The following MAD1L1 variants were observed in gnomAD, a reference collection of about 807,000 sequenced individuals.
MAD1L1 encodes mitotic spindle assembly checkpoint protein MAD1.
Under a neutral mutation model 96.9 loss-of-function variants are expected in MAD1L1, and 95 were observed. That is an observed-to-expected ratio of 0.98 (90% CI 0.83 to 1.16). MAD1L1 has a LOEUF of 1.16. MAD1L1 is among the 50% of genes most tolerant of loss of function. The pLI is 0.00. For missense variants in MAD1L1, 1,007 were observed against 954.4 expected (o/e 1.06, Z -0.73); for synonymous variants, 473 against 396.6 (o/e 1.19, Z -2.29).
rs1310028523 is a variant in MAD1L1, at chr7:1,816,001, C to T, written c.*69G>A. 12 of 1,499,592 alleles carry T rather than the reference C, an allele frequency of 8.0e-6. No individual in the cohort carries two copies. In the African/African-American group the frequency reaches 1.5e-4, roughly 19 times the overall value. 92.9% of individuals were successfully genotyped at this position (1,499,592 alleles called of 1,614,324 possible). On this transcript the variant is annotated 3_prime_UTR_variant, in exon 19 of 19. Transcript: ENST00000265854. Reference sequence around the variant, plus strand: ...GGCAGGACGTGCACCCAGCCTGTGGCTGGCGGGGCAGGGGACCTGCAGGTC... The same window carrying T: ...GGCAGGACGTGCACCCAGCCTGTGGTTGGCGGGGCAGGGGACCTGCAGGTC...
intron 18 of MAD1L1, among the ~76,000 whole-genome samples, chr7:1,897,252 C>A (rs1786936496): frequency 6.6e-6 from 1 of 152,154 alleles, no homozygotes; most frequent in African/African-American, 2.4e-5. Context: ...TTATACAAAT[C>A]AAAGTTGGTT....
intron 12 of MAD1L1, among the ~76,000 whole-genome samples, chr7:2,018,570 G>T (rs1252354680): frequency 6.6e-6 from 1 of 152,222 alleles, no homozygotes; most frequent in Non-Finnish European, 1.5e-5. Flanking sequence ...GACACAGAGG[G>T]CTTCCCTCCT....
intron 18 of MAD1L1, among the ~76,000 whole-genome samples, chr7:1,884,460 C>T (rs961649202): frequency 4.6e-5 from 7 of 152,238 alleles, no homozygotes; most frequent in African/African-American, 9.6e-5. Context: ...TGAGGAGCAA[C>T]GTTGGGTCAG....
At chr7:2,036,411 G>A (rs374754470) in intron 12 of MAD1L1, among the ~76,000 whole-genome samples, 4 of 152,328 alleles carry the variant, frequency 2.6e-5, no homozygotes, top group South Asian at 2.1e-4. Flanking sequence ...CGCCACCTCC[G>A]TGCGGGGAAC....
At chr7:2,040,994 G>A (rs1287648537) in intron 12 of MAD1L1, among the ~76,000 whole-genome samples, 2 of 152,112 alleles carry the variant, frequency 1.3e-5, no homozygotes, top group African/African-American at 4.8e-5. Flanking sequence ...TCTCACTGTT[G>A]GCTGCTGAGA....
intron 11 of MAD1L1, among the ~76,000 whole-genome samples, chr7:2,096,665 G>A (rs1314748409): frequency 7.9e-5 from 12 of 152,276 alleles, no homozygotes; most frequent in Admixed American, 5.2e-4. Flanking sequence ...CAGGAGGAAC[G>A]AGGCCAGACT....
intron 18 of MAD1L1, among the ~76,000 whole-genome samples, chr7:1,891,103 C>T (rs893036619): frequency 3.3e-5 from 5 of 152,236 alleles, no homozygotes; most frequent in East Asian, 1.9e-4. Flanking sequence ...TGCACAGAAG[C>T]GACACCCCGG....
chr7:1,894,121 G>C (rs1657026634), intron 18 of MAD1L1, among the ~76,000 whole-genome samples: 2 of 152,318 alleles, frequency 1.3e-5, no homozygotes, highest in South Asian at 4.1e-4. Context: ...TGGTGTCCTG[G>C]ATACAAAGGA....
chr7:1,866,482 C>G (rs886338105), intron 18 of MAD1L1, among the ~76,000 whole-genome samples: 1 of 152,178 alleles, frequency 6.6e-6, no homozygotes, highest in African/African-American at 2.4e-5. Flanking sequence ...CGAGCTCCAC[C>G]CTCCAGACGG....
Position 1,823,581 on chromosome 7 carries a change from G to A in MAD1L1, c.1999-7353C>T, listed in dbSNP as rs577211919. Among the ~76,000 whole-genome samples the A allele has an allele frequency of 2.3e-3, 353 of 152,298 alleles. 3 individuals carry two copies. Among genetic ancestry groups the A allele is most frequent in the South Asian group, 7.7e-3 (37 of 4,824 alleles). On this transcript the variant is annotated intron_variant, in intron 18 of 18. Coordinates refer to ENST00000265854, the MANE Select transcript of MAD1L1 (RefSeq NM_001013836.2). Reference sequence around the variant, plus strand: ...TTAACCCCAAGTGGGATTCCTGCCTGTGCCCTGGCCCCACAGGGCAAGGCC... The same window carrying A: ...TTAACCCCAAGTGGGATTCCTGCCTATGCCCTGGCCCCACAGGGCAAGGCC...
intron 11 of MAD1L1, among the ~76,000 whole-genome samples, chr7:2,143,308 A>G (rs1311262823): frequency 2.7e-5 from 4 of 150,674 alleles, no homozygotes; most frequent in Admixed American, 1.3e-4. Context: ...CAAGAGGGGA[A>G]CAGCCCAGCC....
At chr7:2,023,317 T>C (rs1782865260) in intron 12 of MAD1L1, among the ~76,000 whole-genome samples, 1 of 151,988 alleles carries the variant, frequency 6.6e-6, no homozygotes, top group Non-Finnish European at 1.5e-5. Context: ...AAAAAGAATA[T>C]AAAGTATATA....
At chr7:2,171,377 C>T (rs186429507) in intron 10 of MAD1L1, among the ~76,000 whole-genome samples, 3 of 152,248 alleles carry the variant, frequency 2.0e-5, no homozygotes, top group East Asian at 1.9e-4. Flanking sequence ...CATGCACACA[C>T]GTGCACACAT....
At chr7:2,077,018 C>T (rs1245996527) in intron 11 of MAD1L1, among the ~76,000 whole-genome samples, 2 of 147,788 alleles carry the variant, frequency 1.4e-5, no homozygotes, top group Non-Finnish European at 3.0e-5. Flanking sequence ...GCTCACGGCA[C>T]GGTGAGCCCG....
intron 10 of MAD1L1, among the ~76,000 whole-genome samples, chr7:2,164,803 C>T (rs761216843): frequency 6.6e-6 from 1 of 152,172 alleles, no homozygotes; most frequent in Non-Finnish European, 1.5e-5. Flanking sequence ...GACAAACAGA[C>T]AGAGTCCTTG....
At chr7:2,210,879 GC>G (rs72171176) in intron 10 of MAD1L1, among the ~76,000 whole-genome samples, 21,010 of 152,242 alleles carry the variant, frequency 0.14, 3,452 homozygotes, top group African/African-American at 0.4. Flanking sequence ...GCTCGCACCA[GC>G]CCCTCTCCAA....
intron 10 of MAD1L1, among the ~76,000 whole-genome samples, chr7:2,163,466 C>G (rs569756008): frequency 6.6e-6 from 1 of 152,248 alleles, no homozygotes; most frequent in East Asian, 1.9e-4. Context: ...CTCTGCCCCC[C>G]CGGTTCAAGC....
At chr7:1,915,369 G>T (rs1318650643) in intron 17 of MAD1L1, among the ~76,000 whole-genome samples, 1 of 152,220 alleles carries the variant, frequency 6.6e-6, no homozygotes, top group Admixed American at 6.5e-5. Flanking sequence ...GCACCTGGCT[G>T]GGAAGGAGAC....
chr7:1,878,771 C>T (rs1785522048), intron 18 of MAD1L1, among the ~76,000 whole-genome samples: 1 of 143,960 alleles, frequency 6.9e-6, no homozygotes, highest in Non-Finnish European at 1.5e-5. Flanking sequence ...TACTGAAATT[C>T]CTAGCCAGTA....
Sources: allele counts gnomAD v4.1 joint callset (sites outside exome capture counted in the v4.1 genomes callset), GRCh38; gene constraint gnomAD v4.1.1; transcripts MANE v1.5; gene names NCBI Gene and HGNC (gene_info 2026-07-23, HGNC 2026-07-21).